TXNRD3: variants seen among roughly 807,000 people sequenced by gnomAD.
TXNRD3 encodes thioredoxin reductase 3.
Under a neutral mutation model 78.2 loss-of-function variants are expected in TXNRD3, and 68 were observed. That is an observed-to-expected ratio of 0.87 (90% confidence interval 0.72 to 1.06). The LOEUF is 1.06. Among genes scored for constraint, TXNRD3 ranks in the 50% least tolerant of loss-of-function variants. TXNRD3 has a pLI of 0.00. For synonymous variants in TXNRD3, 296 were observed against 300.1 expected, an observed-to-expected ratio of 0.99 and a Z score of 0.14; for missense variants, 751 against 809.5, an observed-to-expected ratio of 0.93 and a Z score of 0.88.
intron 15 of TXNRD3, 43 bp downstream of exon 15, chr3:126,608,456 C>A: frequency 6.7e-7 from 1 of 1,490,854 alleles, no homozygotes; most frequent in Admixed American, 2.4e-5. Flanking sequence ...GTTTTTCAAA[C>A]TACATCAACT....
At chr3:126,638,594 C>T (rs1419397007) in intron 6 of TXNRD3, among the ~76,000 whole-genome samples, 3 of 152,154 alleles carry the variant, frequency 2.0e-5, no homozygotes, top group Admixed American at 6.5e-5. Context: ...ATCAGCCAGG[C>T]GTGGTGGTGT....
chr3:126,620,294 CA>C (rs10539573), intron 12 of TXNRD3, among the ~76,000 whole-genome samples: 23,263 of 99,350 alleles, frequency 0.23, 1,667 homozygotes, highest in African/African-American at 0.34. Context: ...GACTCTGTCT[CA>C]AAAAAAAAAA....
At chr3:126,626,650 G>C (rs969371360) in intron 10 of TXNRD3, among the ~76,000 whole-genome samples, 1 of 152,142 alleles carries the variant, frequency 6.6e-6, no homozygotes, top group African/African-American at 2.4e-5. Flanking sequence ...AAAGTCCTAA[G>C]GGTCTGGAAC....
chr3:126,651,345 A>C (rs1029444262), intron 1 of TXNRD3, among the ~76,000 whole-genome samples: 6 of 152,198 alleles, frequency 3.9e-5, no homozygotes, highest in Non-Finnish European at 7.3e-5. Flanking sequence ...AGAATGAATA[A>C]ATATTTCAGA....
chr3:126,613,455 C>A (rs1938241345), intron 13 of TXNRD3, among the ~76,000 whole-genome samples: 1 of 152,214 alleles, frequency 6.6e-6, no homozygotes, highest in African/African-American at 2.4e-5. Context: ...TTGAAAGCAA[C>A]AAGCAAAGGA....
chr3:126,644,417 A>G lies in TXNRD3; in HGVS notation c.415-16T>C. On this transcript the variant is annotated splice_polypyrimidine_tract_variant and intron_variant, in intron 3 of 15. Transcript: ENST00000524230. Reference sequence around the variant, plus strand: ...TCTGATATGCCTATGGTTTAATTACAGGAGAAAGAACACTGCAGAATTTAA... The same window carrying G: ...TCTGATATGCCTATGGTTTAATTACGGGAGAAAGAACACTGCAGAATTTAA... 1 of 1,514,848 alleles carries G rather than the reference A, an allele frequency of 6.6e-7. No individual in the cohort carries two copies. Among genetic ancestry groups the G allele is most frequent in the Non-Finnish European group, 8.9e-7 (1 of 1,128,324 alleles). 93.8% of individuals were successfully genotyped at this position (1,514,848 alleles called of 1,614,324 possible). A position where few individuals can be genotyped will look rare whatever the true frequency, so the allele number is the denominator to read the frequency against.
At chr3:126,651,223 A>AGCAG (rs1933380891) in intron 1 of TXNRD3, among the ~76,000 whole-genome samples, 1 of 152,230 alleles carries the variant, frequency 6.6e-6, no homozygotes, top group African/African-American at 2.4e-5. Flanking sequence ...CATGTAAGAA[A>AGCAG]GCAGGCTACT....
rs774763847 is a variant in TXNRD3, at chr3:126,621,768, T to C, written c.1498A>G (p.Arg500Gly). 3.9e-6 allele frequency: 6 copies of C among 1,520,828 alleles called. No homozygotes were observed. In the African/African-American group the frequency reaches 6.9e-5, roughly 18 times the overall value. The allele number at this position is 1,520,828 out of a possible 1,614,324, so 94.2% of individuals were successfully genotyped here. A position where few individuals can be genotyped will look rare whatever the true frequency, so the allele number is the denominator to read the frequency against. ...TTTTCTAAAGAGGCCCCAAAAAGTC[T>C]CTGAGCTAGCAGCTTGCCTGACTGT... is the stretch of plus-strand genomic sequence containing the variant. Residue 500 changes from arginine (R) to glycine (G), a missense_variant, in exon 12 of 16, where the codon AGA becomes GGA. By Grantham distance (125) the Arg-to-Gly change is moderately radical (BLOSUM62 -2). Coordinates refer to ENST00000524230, the MANE Select transcript of TXNRD3 (RefSeq NM_052883.3).
intron 10 of TXNRD3, chr3:126,625,773 G>C (rs1399785603): frequency 2.6e-5 from 4 of 152,212 alleles, no homozygotes; most frequent in Admixed American, 2.6e-4. Context: ...CCCACCAACA[G>C]TGTAAAAGTG....
chr3:126,642,403 G>C (rs951848348), intron 5 of TXNRD3, among the ~76,000 whole-genome samples: 2 of 152,192 alleles, frequency 1.3e-5, no homozygotes, highest in Admixed American at 1.3e-4. Flanking sequence ...TTTCACTTCA[G>C]TCTGATCCAC....
chr3:126,644,760 A>G (rs1559779413), intron 3 of TXNRD3, among the ~76,000 whole-genome samples: 4 of 152,270 alleles, frequency 2.6e-5, no homozygotes, highest in Admixed American at 2.6e-4. Context: ...ATCATTTTTC[A>G]TTAGCTCACT....
chr3:126,634,061 A>C lies in TXNRD3; in HGVS notation c.713-10T>G. 1 of 1,491,434 alleles carries C rather than the reference A, an allele frequency of 6.7e-7. No homozygotes were observed. Among genetic ancestry groups the C allele is most frequent in the Non-Finnish European group, 8.9e-7 (1 of 1,125,224 alleles). 92.4% of individuals were successfully genotyped at this position (1,491,434 alleles called of 1,614,324 possible). Reference sequence around the variant, plus strand: ...TCCCAGTTGTGCCTCACTAAGAAGAAATAATCAGGGTGAAGATGTTAGGTG... The same window carrying C: ...TCCCAGTTGTGCCTCACTAAGAAGACATAATCAGGGTGAAGATGTTAGGTG... On this transcript the variant is annotated splice_polypyrimidine_tract_variant and intron_variant, in intron 6 of 15. Coordinates refer to ENST00000524230, the MANE Select transcript of TXNRD3 (RefSeq NM_052883.3).
At chr3:126,643,088 G>A (rs907170546) in intron 5 of TXNRD3, among the ~76,000 whole-genome samples, 11 of 152,122 alleles carry the variant, frequency 7.2e-5, no homozygotes, top group Non-Finnish European at 1.0e-4. Flanking sequence ...CAATGGAGGG[G>A]GTGGCCTTCC....
chr3:126,650,898 C>T (rs1933372202), intron 1 of TXNRD3, among the ~76,000 whole-genome samples: 1 of 152,140 alleles, frequency 6.6e-6, no homozygotes, highest in African/African-American at 2.4e-5. Context: ...CTCTTATTCC[C>T]ACAACTCTTG....
At chr3:126,654,664 C>G (rs2107632774) in intron 1 of TXNRD3, 84 bp downstream of exon 1, 1 of 972,448 alleles carries the variant, frequency 1.0e-6, no homozygotes, top group Non-Finnish European at 1.3e-6. Flanking sequence ...CGCGGGCGCC[C>G]CGGCCCGGAC....
At chr3:126,638,185 C>T (rs1334853305) in intron 6 of TXNRD3, among the ~76,000 whole-genome samples, 5 of 151,920 alleles carry the variant, frequency 3.3e-5, no homozygotes, top group South Asian at 4.1e-4. Flanking sequence ...CCTCGTGATC[C>T]GCCCGCCTCG....
At chr3:126,640,847 C>G (rs1652312301) in intron 6 of TXNRD3, among the ~76,000 whole-genome samples, 2 of 147,110 alleles carry the variant, frequency 1.4e-5, no homozygotes, top group South Asian at 4.4e-4. Context: ...TTGTCAGAAT[C>G]AAAATGGAGT....
rs1305638813 is a variant in TXNRD3, at chr3:126,642,031, C to T, written c.712+1G>A. 1.3e-6 allele frequency: 2 copies of T among 1,533,762 alleles called. No individual in the cohort carries two copies. The highest frequency in any genetic ancestry group is 1.4e-5 in the African/African-American group (1 of 72,994). On this transcript the variant is annotated splice_donor_variant, in intron 6 of 15. Coordinates refer to ENST00000524230, the MANE Select transcript of TXNRD3 (RefSeq NM_052883.3). LOFTEE classifies it high-confidence loss of function. The stretch of plus-strand genomic sequence containing the variant: ...TCTATACTTTATGAACCATTACTCA[C>T]CTTGTTGATTATATTCCCAGCCAAA...
At chr3:126,650,762 G>A (rs928770705) in intron 1 of TXNRD3, among the ~76,000 whole-genome samples, 4 of 151,720 alleles carry the variant, frequency 2.6e-5, no homozygotes, top group East Asian at 1.9e-4. Context: ...TCCTTTTATC[G>A]TTATCTATCT....
Sources: gnomAD v4.1 joint callset for allele counts (sites outside exome capture counted in the v4.1 genomes callset) on GRCh38, gnomAD v4.1.1 for gene constraint, MANE v1.5 for transcripts, NCBI Gene and HGNC (gene_info 2026-07-23, HGNC 2026-07-21) for gene names.